SMC6: variants seen among roughly 807,000 people sequenced by gnomAD.
The protein encoded by SMC6 is structural maintenance of chromosomes 6.
In SMC6, 79 loss-of-function variants were observed where a neutral mutation model predicts 142.2. The observed-to-expected ratio is 0.56, with a 90% CI of 0.46 to 0.67. The LOEUF is 0.67. SMC6 is among the 30% of genes least tolerant of loss of function. The pLI is 0.00. For synonymous variants in SMC6, 411 were observed against 412.4 expected (o/e 1.00, Z 0.04); for missense variants, 1,072 against 1,284.0 (o/e 0.83, Z 2.52).
intron 16 of SMC6, among the ~76,000 whole-genome samples, chr2:17,711,728 C>G (rs931067277): frequency 3.3e-5 from 5 of 152,114 alleles, no homozygotes; most frequent in Non-Finnish European, 1.5e-5. Flanking sequence ...CAGTGATCCT[C>G]CCACCTCAGG....
chr2:17,748,865 T>C (rs187978624), intron 2 of SMC6, among the ~76,000 whole-genome samples: 91 of 152,306 alleles, frequency 6.0e-4, no homozygotes, highest in African/African-American at 1.6e-3. Context: ...CTAGGGAAAA[T>C]GTGATACGCT....
chr2:17,733,940 A>C (rs1230651432), intron 5 of SMC6, among the ~76,000 whole-genome samples: 2 of 152,198 alleles, frequency 1.3e-5, no homozygotes, highest in East Asian at 1.9e-4. Flanking sequence ...TTAGCAAAAA[A>C]TAAGGAAGTA....
chr2:17,693,873 GTCTGTAA>G (rs1667854456), intron 23 of SMC6, among the ~76,000 whole-genome samples: 2 of 151,414 alleles, frequency 1.3e-5, no homozygotes, highest in Admixed American at 6.6e-5. Flanking sequence ...GCATGTGCCT[GTCTGTAA>G]TCCCAGCTAC....
chr2:17,707,527 T>C (rs1668608672), intron 17 of SMC6, 148 bp from the exon 18 acceptor site: 4 of 481,636 alleles, frequency 8.3e-6, no homozygotes, highest in Non-Finnish European at 1.3e-5. Context: ...AAGTTAAATA[T>C]AAGAATTTTA....
At chr2:17,749,456 A>G (rs1228131098) in intron 2 of SMC6, among the ~76,000 whole-genome samples, 1 of 152,180 alleles carries the variant, frequency 6.6e-6, no homozygotes, top group Non-Finnish European at 1.5e-5. Flanking sequence ...TTGGGAGGCC[A>G]AGGCAGGCGG....
In SMC6 at chr2:17,707,232, C is replaced by T. The variant is rs1175816541; in HGVS notation, c.1993G>A (p.Asp665Asn). ...CTTGACTCTAACCTTATTTCAGAAT[C>T]CACATCTCTGCTTAGGAACTTAGGT... ...TRPKFLSRDV[D>N]SEISDLENEV... is the part of the protein sequence containing the mutation. Residue 665 changes from aspartate to asparagine, a missense_variant, in exon 18 of 28, where the codon GAT (aspartate) becomes AAT (asparagine). By Grantham distance (23) the Asp-to-Asn change is conservative. Coordinates refer to ENST00000448223, the MANE Select transcript of SMC6 (RefSeq NM_001142286.2). The T allele has an allele frequency of 6.3e-7, 1 of 1,586,480 alleles. No individual in the cohort carries two copies. The highest frequency in any genetic ancestry group is 1.4e-5 in the African/African-American group (1 of 73,376).
At chr2:17,703,596 G>A (rs1406991208) in intron 18 of SMC6, among the ~76,000 whole-genome samples, 15 of 152,026 alleles carry the variant, frequency 9.9e-5, no homozygotes, top group Middle Eastern at 3.4e-3. Context: ...TGCCTCTGCC[G>A]CCCCTGAGAC....
chr2:17,750,390 C>T (rs1670965440), intron 2 of SMC6, among the ~76,000 whole-genome samples: 1 of 152,230 alleles, frequency 6.6e-6, no homozygotes, highest in Non-Finnish European at 1.5e-5. Flanking sequence ...GAGATGAACA[C>T]TTTCTATTTC....
chr2:17,731,166 C>T (rs1259357943), intron 6 of SMC6, 27 bp from the exon 7 acceptor site: 6 of 1,541,222 alleles, frequency 3.9e-6, no homozygotes, highest in East Asian at 4.5e-5. Flanking sequence ...TATGAAATAA[C>T]CAAACTGTTT....
chr2:17,715,181 A>G, intron 15 of SMC6, 116 bp from the exon 16 acceptor site: 1 of 905,856 alleles, frequency 1.1e-6, no homozygotes, highest in African/African-American at 1.7e-5. Flanking sequence ...AGCAGTTTAA[A>G]TGACTTTACA....
Position 17,721,157 on chromosome 2 carries a change from T to G in SMC6, c.831A>C (p.Glu277Asp). 2 of 1,610,778 alleles carry G rather than the reference T, an allele frequency of 1.2e-6. No homozygotes were observed. Among genetic ancestry groups the G allele is most frequent in the Middle Eastern group, 1.7e-4 (1 of 6,032 alleles). ...MKTNLESLKH[E>D]MAWAVVNEIE... Reference sequence around the variant, plus strand: ...TGATAATTACCACTGCCCAAGCCATTTCATGTTTCAAGGACTCTAAATTAG... The same window carrying G: ...TGATAATTACCACTGCCCAAGCCATGTCATGTTTCAAGGACTCTAAATTAG... The change falls in exon 10 of 28, where the codon GAA becomes GAC. Residue 277 changes from glutamate to aspartate, a missense_variant. Coordinates refer to ENST00000448223, the MANE Select transcript of SMC6 (RefSeq NM_001142286.2).
chr2:17,708,124 C>T (rs1293012655), intron 17 of SMC6, among the ~76,000 whole-genome samples: 1 of 151,908 alleles, frequency 6.6e-6, no homozygotes, highest in African/African-American at 2.4e-5. Context: ...ATATAAATCA[C>T]CTTGTCCCTT....
chr2:17,665,335 T>TG lies in SMC6; in HGVS notation c.*163dup. 2.5e-6 allele frequency: 1 copy of TG among 393,934 alleles called. No individual in the cohort carries two copies. Among genetic ancestry groups the TG allele is most frequent in the Non-Finnish European group, 4.5e-6 (1 of 222,440 alleles). The allele number at this position is 393,934 out of a possible 1,614,324, so 24.4% of individuals were successfully genotyped here. A position where few individuals can be genotyped will look rare whatever the true frequency, so the allele number is the denominator to read the frequency against. On this transcript the variant is annotated 3_prime_UTR_variant, in exon 28 of 28. Transcript: ENST00000448223. The stretch of plus-strand genomic sequence containing the variant: ...GTAATCTTAAATTGCAGGTTGTAGT[T>TG]GGTTTTCCAGGCTTATTTATATGTT...
rs1668208727 is a variant in SMC6, at chr2:17,700,338, A to G, written c.2264T>C (p.Val755Ala). 1 of 1,608,246 alleles carries G rather than the reference A, an allele frequency of 6.2e-7. No homozygotes were observed. Among genetic ancestry groups the G allele is most frequent in the South Asian group, 1.1e-5 (1 of 89,674 alleles). The change falls in exon 21 of 28, where the codon GTT (valine) becomes GCT (alanine). Residue 755 changes from valine (V) to alanine (A), a missense_variant. By Grantham distance (64) the Val-to-Ala change is moderately conservative. Coordinates refer to ENST00000448223, the MANE Select transcript of SMC6 (RefSeq NM_001142286.2). Reference protein sequence around the residue: ...AQENKSKMKMVEEHMEQQKEN... With the variant: ...AQENKSKMKMAEEHMEQQKEN... The stretch of plus-strand genomic sequence containing the variant: ...TTTTTGTTGCTCCATATGTTCCTCA[A>G]CCATTTTCATTTTGCTTTTATTTTC...
chr2:17,690,750 T>C (rs937371396), intron 23 of SMC6, among the ~76,000 whole-genome samples: 4 of 152,208 alleles, frequency 2.6e-5, no homozygotes, highest in African/African-American at 9.6e-5. Flanking sequence ...AATGAAAAGA[T>C]GTTCAACTTC....
chr2:17,701,926 TGG>T lies in SMC6; in HGVS notation c.2143-19_2143-18del. ...TATTTTCATCTAAAAGAAAAGTATT[TGG>T]ATTTTAGTAACATAAAAAAAAATTT... On this transcript the variant is annotated intron_variant, in intron 19 of 27. Transcript: ENST00000448223. The T allele has an allele frequency of 7.3e-7, 1 of 1,373,006 alleles. No homozygotes were observed. The highest frequency in any genetic ancestry group is 1.0e-6 in the Non-Finnish European group (1 of 993,400). The allele number at this position is 1,373,006 out of a possible 1,614,324, so 85.1% of individuals were successfully genotyped here.
chr2:17,672,997 A>T (rs1024188069), intron 25 of SMC6, among the ~76,000 whole-genome samples: 2 of 152,130 alleles, frequency 1.3e-5, no homozygotes, highest in Middle Eastern at 3.2e-3. Context: ...GAGGTTTCCA[A>T]ATTAGTTTGA....
intron 2 of SMC6, among the ~76,000 whole-genome samples, chr2:17,747,325 T>C (rs1298481341): frequency 6.6e-6 from 1 of 152,154 alleles, no homozygotes; most frequent in Non-Finnish European, 1.5e-5. Context: ...GCAGTTGCTG[T>C]GGCTAAGGAA....
chr2:17,750,527 T>C (rs1056911121), intron 2 of SMC6, among the ~76,000 whole-genome samples: 2 of 152,224 alleles, frequency 1.3e-5, no homozygotes, highest in South Asian at 2.1e-4. Flanking sequence ...AAGGCTTCTA[T>C]AGCTCTAACA....
Sources: allele counts gnomAD v4.1 joint callset (sites outside exome capture counted in the v4.1 genomes callset), GRCh38; gene constraint gnomAD v4.1.1; transcripts MANE v1.5; gene names NCBI Gene and HGNC (gene_info 2026-07-23, HGNC 2026-07-21).